The following SOX6 variants were observed in gnomAD, a reference collection of about 807,000 sequenced individuals.
The protein encoded by SOX6 is SRY-box transcription factor 6, also known as transcription factor SOX-6.
Under a neutral mutation model 97.8 loss-of-function variants are expected in SOX6, and 11 were observed. The ratio of observed to expected loss-of-function variants is 0.11; its 90% CI spans 0.07 to 0.19. The LOEUF is 0.19. SOX6 is among the 10% of genes least tolerant of loss of function. The pLI is 1.00. For missense variants in SOX6, 810 were observed against 1,039.5 expected (o/e 0.78, Z 3.04); for synonymous variants, 360 against 371.4 (o/e 0.97, Z 0.35).
chr11:16,579,947 G>T (rs532105636), intron 4 of SOX6, among the ~76,000 whole-genome samples: 2 of 151,992 alleles, frequency 1.3e-5, no homozygotes, highest in African/African-American at 4.8e-5. Context: ...TCACCAACAC[G>T]CAAGGCATTG....
chr11:16,603,590 C>T (rs900678021), intron 4 of SOX6, among the ~76,000 whole-genome samples: 6 of 152,068 alleles, frequency 3.9e-5, no homozygotes, highest in Non-Finnish European at 8.8e-5. Flanking sequence ...AAGTCCCTAC[C>T]CAAGCCAGGA....
intron 4 of SOX6, among the ~76,000 whole-genome samples, chr11:16,517,917 A>T (rs1227427365): frequency 2.0e-5 from 3 of 152,124 alleles, no homozygotes; most frequent in Non-Finnish European, 2.9e-5. Context: ...CTATTCTCTC[A>T]CTGCCCTTGA....
At chr11:16,696,293 G>C (rs969968450) in intron 3 of SOX6, among the ~76,000 whole-genome samples, 2 of 152,156 alleles carry the variant, frequency 1.3e-5, no homozygotes, top group African/African-American at 4.8e-5. Context: ...TAAGTCATTA[G>C]ATATATAACC....
intron 4 of SOX6, among the ~76,000 whole-genome samples, chr11:16,191,510 A>C (rs976670933): frequency 2.0e-5 from 3 of 152,134 alleles, no homozygotes; most frequent in Admixed American, 6.6e-5. Flanking sequence ...GGTTTGAAAA[A>C]ATCAACTTGG....
chr11:16,563,614 CT>C (rs1184886641), intron 4 of SOX6, among the ~76,000 whole-genome samples: 1 of 152,134 alleles, frequency 6.6e-6, no homozygotes, highest in East Asian at 1.9e-4. Flanking sequence ...TGTCAGGAAA[CT>C]TTGAGGATAT....
At chr11:16,563,235 GA>G (rs1000285818) in intron 4 of SOX6, among the ~76,000 whole-genome samples, 3 of 149,586 alleles carry the variant, frequency 2.0e-5, no homozygotes, top group Admixed American at 6.7e-5. Flanking sequence ...AGAACCAAAT[GA>G]AAAAAAAACT....
chr11:16,487,909 G>T (rs1275918806), intron 4 of SOX6, among the ~76,000 whole-genome samples: 1 of 152,214 alleles, frequency 6.6e-6, no homozygotes, highest in Non-Finnish European at 1.5e-5. Flanking sequence ...GACACCGCCT[G>T]TTGTGCAAAT....
intron 7 of SOX6, among the ~76,000 whole-genome samples, chr11:16,102,420 G>A (rs1848971610): frequency 6.6e-6 from 1 of 151,976 alleles, no homozygotes; most frequent in Non-Finnish European, 1.5e-5. Context: ...TCATGGTTGG[G>A]TAGGATCAAT....
intron 3 of SOX6, among the ~76,000 whole-genome samples, chr11:16,707,547 C>G (rs1848146539): frequency 6.6e-6 from 1 of 152,110 alleles, no homozygotes; most frequent in African/African-American, 2.4e-5. Flanking sequence ...GGTTTAACAG[C>G]TACAGCTTCA....
intron 9 of SOX6, among the ~76,000 whole-genome samples, chr11:16,089,398 A>G (rs1169296334): frequency 6.6e-6 from 1 of 152,122 alleles, no homozygotes; most frequent in Non-Finnish European, 1.5e-5. Flanking sequence ...ATGATTTTTT[A>G]AAATCCACAT....
At chr11:16,146,578 G>T (rs190861694) in intron 6 of SOX6, among the ~76,000 whole-genome samples, 108 of 152,096 alleles carry the variant, frequency 7.1e-4, no homozygotes, top group African/African-American at 2.5e-3. Flanking sequence ...CTACAGAATG[G>T]GAGAAAATTT....
chr11:16,484,171 C>T, intron 4 of SOX6: 5 of 785,780 alleles, frequency 6.4e-6, no homozygotes, highest in Non-Finnish European at 1.2e-5. Context: ...AGATCCTCTC[C>T]ACCTGGAAAT....
At chr11:16,530,124 C>T (rs563979715) in intron 4 of SOX6, among the ~76,000 whole-genome samples, 2 of 152,056 alleles carry the variant, frequency 1.3e-5, no homozygotes, top group African/African-American at 4.8e-5. Flanking sequence ...AATTCCAGCT[C>T]TATTACTGTG....
chr11:16,565,783 T>C (rs1019966303), intron 4 of SOX6, among the ~76,000 whole-genome samples: 3 of 147,628 alleles, frequency 2.0e-5, no homozygotes, highest in Non-Finnish European at 3.0e-5. Flanking sequence ...GAAATTCCAA[T>C]GCAGTAAATA....
At chr11:16,221,937 TC>T (rs1185662893) in intron 4 of SOX6, among the ~76,000 whole-genome samples, 1 of 152,144 alleles carries the variant, frequency 6.6e-6, no homozygotes, top group Non-Finnish European at 1.5e-5. Context: ...GGGTTTCAGA[TC>T]CTCTACTGGA....
intron 4 of SOX6, among the ~76,000 whole-genome samples, chr11:16,195,320 C>T (rs1353457023): frequency 6.6e-6 from 1 of 152,076 alleles, no homozygotes; most frequent in Non-Finnish European, 1.5e-5. Context: ...ATTTTTAATC[C>T]AAGCGAGTCT....
At chr11:16,228,625 C>T (rs1211965812) in intron 4 of SOX6, among the ~76,000 whole-genome samples, 2 of 152,084 alleles carry the variant, frequency 1.3e-5, no homozygotes, top group Non-Finnish European at 2.9e-5. Flanking sequence ...TATTGTGCTG[C>T]ATGCTGTAAA....
At chr11:16,081,133 C>T (rs1025987699) in intron 9 of SOX6, among the ~76,000 whole-genome samples, 1 of 152,046 alleles carries the variant, frequency 6.6e-6, no homozygotes, top group Non-Finnish European at 1.5e-5. Flanking sequence ...GCAGAATTCA[C>T]ACCAGTCCCT....
intron 4 of SOX6, among the ~76,000 whole-genome samples, chr11:16,593,924 A>C (rs900911704): frequency 7.2e-5 from 11 of 152,308 alleles, no homozygotes; most frequent in Admixed American, 5.9e-4. Context: ...AAAAGAAAAA[A>C]TTCATGTACA....
Sources: gnomAD v4.1 joint callset for allele counts (sites outside exome capture counted in the v4.1 genomes callset) on GRCh38, gnomAD v4.1.1 for gene constraint, MANE v1.5 for transcripts, NCBI Gene and HGNC (gene_info 2026-07-23, HGNC 2026-07-21) for gene names.